SMC5: variants seen among roughly 807,000 people sequenced by gnomAD.
SMC5 encodes structural maintenance of chromosomes 5, also known as structural maintenance of chromosomes protein 5.
Under a neutral mutation model 148.3 loss-of-function variants are expected in SMC5, and 88 were observed. The ratio of observed to expected loss-of-function variants is 0.59; its 90% CI spans 0.50 to 0.71. SMC5 has a LOEUF of 0.71. Among genes scored for constraint, SMC5 ranks in the 30% least tolerant of loss-of-function variants. The probability of loss-of-function intolerance (pLI) is 0.00; values close to 1 mark genes in which losing one functional copy is unlikely to be tolerated. For synonymous variants in SMC5, 421 were observed against 432.8 expected, an observed-to-expected ratio of 0.97 and a Z score of 0.34; for missense variants, 1,142 against 1,298.9, an observed-to-expected ratio of 0.88 and a Z score of 1.86.
intron 8 of SMC5, among the ~76,000 whole-genome samples, chr9:70,292,177 C>G (rs2035081234): frequency 8.4e-6 from 1 of 119,354 alleles, no homozygotes; most frequent in Non-Finnish European, 1.8e-5. Context: ...CCTTACTTCA[C>G]CATTCCTGAT....
At chr9:70,314,432 A>G (rs1175040072) in intron 11 of SMC5, among the ~76,000 whole-genome samples, 1 of 152,108 alleles carries the variant, frequency 6.6e-6, no homozygotes, top group Non-Finnish European at 1.5e-5. Context: ...AGTTAGTCCA[A>G]TACAAGATAA....
At chr9:70,302,172 G>C (rs1169510926) in intron 10 of SMC5, among the ~76,000 whole-genome samples, 1 of 152,118 alleles carries the variant, frequency 6.6e-6, no homozygotes, top group East Asian at 1.9e-4. Context: ...AAGAGTTCAA[G>C]ACCAGCCTGG....
At chr9:70,314,609 A>G (rs766877709) in intron 11 of SMC5, 133 bp from the exon 12 acceptor site, 6 of 416,608 alleles carry the variant, frequency 1.4e-5, no homozygotes, top group South Asian at 1.1e-4. Context: ...AATTTATACT[A>G]AGTAACATCT....
chr9:70,289,180 G>A (rs1273944129), intron 8 of SMC5, among the ~76,000 whole-genome samples: 2 of 152,044 alleles, frequency 1.3e-5, no homozygotes, highest in African/African-American at 4.8e-5. Context: ...TGGGACTACA[G>A]GCATGCACCA....
intron 17 of SMC5, among the ~76,000 whole-genome samples, chr9:70,331,159 G>C (rs1013451481): frequency 9.2e-5 from 14 of 152,064 alleles, no homozygotes; most frequent in Non-Finnish European, 1.8e-4. Context: ...ACAAGTATCA[G>C]TTTTTAATTT....
Position 70,263,148 on chromosome 9 carries a change from T to C in SMC5, c.186-1156T>C, listed in dbSNP as rs530092430. Among the ~76,000 whole-genome samples, 45 of 152,322 alleles carry C rather than the reference T, an allele frequency of 3.0e-4. 1 individual carries two copies. Among genetic ancestry groups the C allele is most frequent in the Non-Finnish European group, 5.3e-4 (36 of 68,034 alleles). On this transcript the variant is annotated intron_variant, in intron 1 of 24. Coordinates refer to ENST00000361138, the MANE Select transcript of SMC5 (RefSeq NM_015110.4). Reference sequence around the variant, plus strand: ...GGAAATCCAAGTGGGGCTTCATGTGTTGAGCGTAAGAAGTTCCATGTCAGG... The same window carrying C: ...GGAAATCCAAGTGGGGCTTCATGTGCTGAGCGTAAGAAGTTCCATGTCAGG...
chr9:70,347,520 C>A, intron 20 of SMC5, 93 bp from the exon 21 acceptor site: 1 of 648,540 alleles, frequency 1.5e-6, no homozygotes, highest in Non-Finnish European at 2.6e-6. Flanking sequence ...GCACAATTGG[C>A]ATTTTCATTT....
intron 9 of SMC5, among the ~76,000 whole-genome samples, chr9:70,299,134 T>G (rs141439707): frequency 2.6e-5 from 4 of 152,132 alleles, no homozygotes; most frequent in African/African-American, 9.6e-5. Context: ...TCTCACATTC[T>G]AAATTCTCTC....
At chr9:70,323,688 GGT>G in intron 16 of SMC5, 82 bp downstream of exon 16, 1 of 1,297,052 alleles carries the variant, frequency 7.7e-7, no homozygotes, top group Non-Finnish European at 1.1e-6. Flanking sequence ...AGGGAGGGAA[GGT>G]TTTGATTAAG....
chr9:70,307,856 A>G (rs1002443498), intron 11 of SMC5, among the ~76,000 whole-genome samples: 2 of 151,942 alleles, frequency 1.3e-5, no homozygotes, highest in African/African-American at 4.8e-5. Context: ...CAGTGAGACC[A>G]TTTTCAGGTT....
In SMC5 at chr9:70,259,408, G is replaced by A. The variant is rs1442946439; in HGVS notation, c.185+145G>A. ...GAATTCGTGCCGGGGTTCCCTTGAG[G>A]ATTTTCCTACGTAGGCTGTGGAGAT... is the stretch of plus-strand genomic sequence containing the variant. On this transcript the variant is annotated intron_variant, in intron 1 of 24. Transcript: ENST00000361138. 6.1e-6 allele frequency: 5 copies of A among 818,634 alleles called. No individual in the cohort carries two copies. The African/African-American group carries it at 8.7e-5, about 14-fold the overall frequency. The allele number at this position is 818,634 out of a possible 1,614,324, so 50.7% of individuals were successfully genotyped here.
chr9:70,336,636 A>G (rs768273268), intron 17 of SMC5, among the ~76,000 whole-genome samples: 3 of 152,226 alleles, frequency 2.0e-5, no homozygotes, highest in Non-Finnish European at 4.4e-5. Context: ...GGGGAATGTC[A>G]TCTGCTACTT....
At chr9:70,264,265 T>C (rs750158130) in intron 1 of SMC5, 39 bp from the exon 2 acceptor site, 3 of 1,568,430 alleles carry the variant, frequency 1.9e-6, no homozygotes, top group African/African-American at 1.4e-5. Flanking sequence ...AAAGTGGTTT[T>C]GTATCTCTCC....
intron 11 of SMC5, among the ~76,000 whole-genome samples, chr9:70,309,317 C>CTTTTTTTTTT (rs1564050219): frequency 8.5e-5 from 4 of 47,316 alleles, no homozygotes; most frequent in African/African-American, 1.5e-4. Flanking sequence ...TTTTCCTTTT[C>CTTTTTTTTTT]CTTTTTTTTT....
rs766735961 is a variant in SMC5 at position 70,352,292 on chromosome 9, A to T, written c.3267A>T (p.Gln1089His). 9.3e-6 allele frequency: 15 copies of T among 1,613,444 alleles called. No homozygotes were observed. Among genetic ancestry groups the T allele is most frequent in the Middle Eastern group, 3.3e-4 (2 of 6,082 alleles). Residue 1089 changes from glutamine (Q) to histidine (H), a missense_variant, in exon 25 of 25, where the codon CAA becomes CAT. By Grantham distance (24) the Gln-to-His change is conservative. This residue lies in a region of SMC5 where 63 missense variants were observed against 65.7 expected (regional missense o/e 0.96). Transcript: ENST00000361138. ...EPNTWNLKAF[Q>H]RRRRRITFTQ... is the part of the protein sequence containing the mutation. Reference sequence around the variant, plus strand: ...ACACATGGAATTTAAAGGCTTTCCAAAGGCGGCGGCGCCGTATTACATTCA... The same window carrying T: ...ACACATGGAATTTAAAGGCTTTCCATAGGCGGCGGCGCCGTATTACATTCA...
chr9:70,299,913 C>A, intron 9 of SMC5, 133 bp from the exon 10 acceptor site: 1 of 626,096 alleles, frequency 1.6e-6, no homozygotes, highest in Non-Finnish European at 2.5e-6. Flanking sequence ...CACATATTTT[C>A]CACTATGGGA....
rs551741326 is a variant in SMC5, at chr9:70,330,646, G to A, written c.2397+6503G>A. Among the ~76,000 whole-genome samples, 188 of 150,004 alleles carry A rather than the reference G, an allele frequency of 1.3e-3. 1 individual carries two copies. Among genetic ancestry groups the A allele is most frequent in the East Asian group, 2.4e-3 (12 of 4,970 alleles). ...CAACCTCCGCCTTCTGGGTTCAAGC[G>A]ATTTTCCTGCCTCAGCCTCCCAAGT... On this transcript the variant is annotated intron_variant, in intron 17 of 24. Coordinates refer to ENST00000361138, the MANE Select transcript of SMC5 (RefSeq NM_015110.4).
chr9:70,354,188 T>C lies in SMC5; in HGVS notation c.*1857T>C, dbSNP rs2036859535. The C allele has an allele frequency of 6.6e-6, 1 of 152,306 alleles. No individual in the cohort carries two copies. The highest frequency in any genetic ancestry group is 2.4e-5 in the African/African-American group (1 of 41,456). 9.4% of individuals were successfully genotyped at this position (152,306 alleles called of 1,614,324 possible). ...ATTAAACAGTAGTAAGTCTAGCACA[T>C]AGTCTCAGCCACTTAAAACAAAAGT... On this transcript the variant is annotated 3_prime_UTR_variant, in exon 25 of 25. Transcript: ENST00000361138.
At chr9:70,334,503 A>G (rs1277817546) in intron 17 of SMC5, among the ~76,000 whole-genome samples, 1 of 152,224 alleles carries the variant, frequency 6.6e-6, no homozygotes, top group Non-Finnish European at 1.5e-5. Context: ...TACACCTCAG[A>G]GAGGACTTGT....
Sources: gnomAD v4.1 joint callset for allele counts (sites outside exome capture counted in the v4.1 genomes callset) on GRCh38, gnomAD v4.1.1 for gene constraint, gnomAD v4.1.1 regional missense constraint, MANE v1.5 for transcripts, NCBI Gene and HGNC (gene_info 2026-07-23, HGNC 2026-07-21) for gene names.